The following PXDNL variants were observed in gnomAD, a reference collection of about 807,000 sequenced individuals.
PXDNL encodes probable oxidoreductase PXDNL.
Under a neutral mutation model 150.8 loss-of-function variants are expected in PXDNL, and 145 were observed. The ratio of observed to expected loss-of-function variants is 0.96; its 90% CI spans 0.84 to 1.10. The LOEUF is 1.10. PXDNL is among the 50% of genes least tolerant of loss of function. PXDNL has a pLI of 0.00. For missense variants in PXDNL, 2,087 were observed against 1,873.9 expected (o/e 1.11, Z -2.10); for synonymous variants, 757 against 725.7 (o/e 1.04, Z -0.69).
intron 1 of PXDNL, among the ~76,000 whole-genome samples, chr8:51,747,527 G>T (rs1311707774): frequency 6.6e-6 from 1 of 152,184 alleles, no homozygotes; most frequent in Non-Finnish European, 1.5e-5. Context: ...TGCAAGCAAG[G>T]ATTAAGAAGA....
chr8:51,574,297 T>C, intron 3 of PXDNL, among the ~76,000 whole-genome samples: 1 of 151,952 alleles, frequency 6.6e-6, no homozygotes, highest in Non-Finnish European at 1.5e-5. Context: ...TATGGGTCAG[T>C]GGCAGGATGG....
chr8:51,477,858 G>A (rs1011543177), intron 6 of PXDNL, among the ~76,000 whole-genome samples: 1 of 152,002 alleles, frequency 6.6e-6, no homozygotes, highest in Non-Finnish European at 1.5e-5. Context: ...GGTAATAACT[G>A]AGCACAAGAT....
intron 1 of PXDNL, among the ~76,000 whole-genome samples, chr8:51,744,753 AGAGAGAAAGAAGGAAG>A (rs2036958105): frequency 7.5e-5 from 1 of 13,336 alleles, no homozygotes; most frequent in African/African-American, 9.6e-5. Flanking sequence ...AAAAGAAAAG[AGAGAGAAAGAAGGAAG>A]GAGAGAAAGA....
intron 17 of PXDNL, among the ~76,000 whole-genome samples, chr8:51,387,485 TGA>T (rs994725357): frequency 6.6e-5 from 10 of 152,146 alleles, no homozygotes; most frequent in Non-Finnish European, 1.0e-4. Flanking sequence ...GAAAAAATCC[TGA>T]GAGAGTTTAG....
intron 4 of PXDNL, among the ~76,000 whole-genome samples, chr8:51,528,300 A>G (rs1286603647): frequency 6.6e-6 from 1 of 152,240 alleles, no homozygotes; most frequent in East Asian, 1.9e-4. Context: ...AACTGAAGAC[A>G]AAAAGTGTGT....
chr8:51,731,932 G>C (rs1816942111), intron 1 of PXDNL, among the ~76,000 whole-genome samples: 1 of 152,126 alleles, frequency 6.6e-6, no homozygotes, highest in African/African-American at 2.4e-5. Context: ...GTGATGGGAG[G>C]GGCTGCTGTG....
chr8:51,509,276 T>G (rs1381038838), intron 4 of PXDNL, among the ~76,000 whole-genome samples: 1 of 152,184 alleles, frequency 6.6e-6, no homozygotes, highest in Admixed American at 6.5e-5. Context: ...CAAATACATT[T>G]TTATAAAGAA....
In PXDNL at chr8:51,543,858, A is replaced by G. The variant is rs1812285937; in HGVS notation, c.380+12982T>C. ...ATTTGCTGCCCACTAAGGAGGCAAGAAAAAAGAAAAATTTATTGGCAAGGA... is the reference window on the plus strand; with the variant it reads ...ATTTGCTGCCCACTAAGGAGGCAAGGAAAAAGAAAAATTTATTGGCAAGGA... On this transcript the variant is annotated intron_variant, in intron 4 of 22. Transcript: ENST00000356297. 2.0e-5 allele frequency among the ~76,000 whole-genome samples: 3 copies of G among 152,222 alleles called. 1 individual carries two copies. Among genetic ancestry groups the G allele is most frequent in the South Asian group, 4.1e-4 (2 of 4,834 alleles).
Position 51,475,126 on chromosome 8 carries a change from G to C in PXDNL, c.540C>G (p.Asn180Lys). Reference protein sequence around the residue: ...DSLKRLRLDSNALVCDCDLMW... With the variant: ...DSLKRLRLDSKALVCDCDLMW... ...TCAGATCACAGTCACAAACCAGGGC[G>C]TTGGAATCCAGACGCCTAGGCATGC... The change falls in exon 7 of 23, where the codon AAC (asparagine) becomes AAG (lysine). Residue 180 changes from asparagine (N) to lysine (K), a missense_variant. Physicochemically the swap from Asn to Lys is moderately conservative, Grantham distance 94 (BLOSUM62 0). Coordinates refer to ENST00000356297, the MANE Select transcript of PXDNL (RefSeq NM_144651.5). The C allele has an allele frequency of 6.2e-7, 1 of 1,612,618 alleles. No individual in the cohort carries two copies. The highest frequency in any genetic ancestry group is 8.5e-7 in the Non-Finnish European group (1 of 1,178,868).
chr8:51,414,544 G>A (rs1468004980), intron 14 of PXDNL, among the ~76,000 whole-genome samples: 1 of 151,572 alleles, frequency 6.6e-6, no homozygotes, highest in Non-Finnish European at 1.5e-5. Flanking sequence ...CAGCCTTTAT[G>A]ATGACCACAA....
chr8:51,520,252 C>T (rs567489104), intron 4 of PXDNL, among the ~76,000 whole-genome samples: 2 of 152,144 alleles, frequency 1.3e-5, no homozygotes, highest in Non-Finnish European at 2.9e-5. Flanking sequence ...AGTGAAATCC[C>T]GCCCTATCTG....
intron 10 of PXDNL, among the ~76,000 whole-genome samples, chr8:51,452,935 A>AACACATACACACACACAC (rs60146365): frequency 0.23 from 33,245 of 142,430 alleles, 4,633 homozygotes; most frequent in East Asian, 0.38. Flanking sequence ...CACACACACA[A>AACACATACACACACACAC]ACACACACAC....
chr8:51,413,104 A>G, intron 15 of PXDNL, 46 bp downstream of exon 15: 1 of 1,165,516 alleles, frequency 8.6e-7, no homozygotes, highest in East Asian at 2.3e-5. Context: ...ACTAAGTAGA[A>G]CAGAAATGAA....
intron 20 of PXDNL, 78 bp from the exon 21 acceptor site, chr8:51,339,831 T>A: frequency 6.9e-7 from 1 of 1,451,800 alleles, no homozygotes; most frequent in Non-Finnish European, 9.4e-7. Context: ...CAAATCTTCT[T>A]TGGTCATTTG....
intron 4 of PXDNL, among the ~76,000 whole-genome samples, chr8:51,553,240 C>T (rs577592461): frequency 5.9e-5 from 9 of 152,298 alleles, no homozygotes; most frequent in African/African-American, 1.9e-4. Flanking sequence ...GTGCTGCAAG[C>T]TCTCCCAGGC....
In PXDNL at chr8:51,499,696, T is replaced by A. The variant is rs1474777330; in HGVS notation, c.452+3A>T. On this transcript the variant is annotated splice_donor_region_variant and intron_variant, in intron 5 of 22. Coordinates refer to ENST00000356297, the MANE Select transcript of PXDNL (RefSeq NM_144651.5). ...AAAGGACATCTAAAGGGTCAACACT[T>A]ACAGTCGCTCTAATCTCAGAAGGTC... is the stretch of plus-strand genomic sequence containing the variant. The A allele has an allele frequency of 2.1e-5, 33 of 1,607,506 alleles. No homozygotes were observed. The highest frequency in any genetic ancestry group is 2.7e-5 in the Non-Finnish European group (32 of 1,174,120).
At chr8:51,426,189 GT>G (rs976114061) in intron 13 of PXDNL, among the ~76,000 whole-genome samples, 2 of 152,022 alleles carry the variant, frequency 1.3e-5, no homozygotes, top group African/African-American at 4.8e-5. Context: ...AGGAGCTATT[GT>G]TTTTTTAAAG....
chr8:51,614,344 T>C (rs570817173), intron 2 of PXDNL, among the ~76,000 whole-genome samples: 9 of 152,376 alleles, frequency 5.9e-5, no homozygotes, highest in Middle Eastern at 6.8e-3. Context: ...GTAAACAGAC[T>C]GTAACCTACT....
At chr8:51,360,593 G>A (rs887138174) in intron 19 of PXDNL, among the ~76,000 whole-genome samples, 2 of 152,060 alleles carry the variant, frequency 1.3e-5, no homozygotes, top group African/African-American at 2.4e-5. Flanking sequence ...ACATACATAC[G>A]CATGTTGTTA....
Sources: allele counts gnomAD v4.1 joint callset (sites outside exome capture counted in the v4.1 genomes callset), GRCh38; gene constraint gnomAD v4.1.1; transcripts MANE v1.5; gene names NCBI Gene and HGNC (gene_info 2026-07-23, HGNC 2026-07-21).